Variants in SPAG16 observed in about 807,000 individuals in gnomAD.
The protein encoded by SPAG16 is sperm associated antigen 16, also known as sperm-associated antigen 16 protein.
Under a neutral mutation model 80.4 loss-of-function variants are expected in SPAG16, and 86 were observed. The ratio of observed to expected loss-of-function variants is 1.07; its 90% confidence interval spans 0.90 to 1.28. The LOEUF (loss-of-function observed/expected upper bound fraction) is 1.28. SPAG16 is among the 50% of genes most tolerant of loss of function. SPAG16 has a pLI of 0.00. For missense variants in SPAG16, 870 were observed against 765.3 expected, an observed-to-expected ratio of 1.14 and a Z score of -1.61; for synonymous variants, 294 against 265.9, an observed-to-expected ratio of 1.11 and a Z score of -1.03.
intron 10 of SPAG16, among the ~76,000 whole-genome samples, chr2:213,859,518 T>C (rs1394740564): frequency 1.3e-5 from 2 of 152,202 alleles, no homozygotes; most frequent in Admixed American, 6.5e-5. Flanking sequence ...TAATAATGAC[T>C]AAATGACTTA....
intron 12 of SPAG16, among the ~76,000 whole-genome samples, chr2:213,978,395 A>C (rs1165711547): frequency 2.6e-5 from 4 of 151,906 alleles, no homozygotes; most frequent in African/African-American, 9.7e-5. Context: ...CTTTCCCTTA[A>C]CTGTTCACAG....
chr2:213,597,483 T>C (rs900044792), intron 10 of SPAG16, among the ~76,000 whole-genome samples: 1 of 152,172 alleles, frequency 6.6e-6, no homozygotes, highest in African/African-American at 2.4e-5. Context: ...ATATAATGAA[T>C]CATATGTGCT....
At chr2:214,131,258 G>A (rs76416926) in intron 14 of SPAG16, among the ~76,000 whole-genome samples, 105 of 151,986 alleles carry the variant, frequency 6.9e-4, no homozygotes, top group African/African-American at 2.2e-3. Flanking sequence ...GGTCCTAGTT[G>A]CTTCGGGAAG....
Position 213,528,887 on chromosome 2 carries a change from T to A in SPAG16, c.1070+38797T>A, listed in dbSNP as rs150284317. ...TGTATGTTGCCTGCAGGCCATGGGTTGGACAAGCTTGATCTAAATGAAAGA... is the reference window on the plus strand; with the variant it reads ...TGTATGTTGCCTGCAGGCCATGGGTAGGACAAGCTTGATCTAAATGAAAGA... On this transcript the variant is annotated intron_variant, in intron 10 of 15. Coordinates refer to ENST00000331683, the MANE Select transcript of SPAG16 (RefSeq NM_024532.5). Among the ~76,000 whole-genome samples, 24 of 152,316 alleles carry A rather than the reference T, an allele frequency of 1.6e-4. No homozygotes were observed. In the East Asian group the frequency reaches 4.4e-3, roughly 28 times the overall value.
At chr2:213,795,350 T>C (rs997193778) in intron 10 of SPAG16, among the ~76,000 whole-genome samples, 2 of 152,198 alleles carry the variant, frequency 1.3e-5, no homozygotes, top group African/African-American at 4.8e-5. Context: ...AATTGACAAA[T>C]ACACAAAAAG....
chr2:214,295,408 C>G (rs1396028166), intron 15 of SPAG16, among the ~76,000 whole-genome samples: 1 of 151,648 alleles, frequency 6.6e-6, no homozygotes, highest in Non-Finnish European at 1.5e-5. Flanking sequence ...TTTTTTTAAT[C>G]TTACTCACAA....
intron 10 of SPAG16, among the ~76,000 whole-genome samples, chr2:213,620,787 G>A (rs1574522979): frequency 1.3e-5 from 2 of 152,076 alleles, no homozygotes; most frequent in African/African-American, 2.4e-5. Flanking sequence ...GAAAAGTAAT[G>A]TTTATGCTTT....
intron 15 of SPAG16, among the ~76,000 whole-genome samples, chr2:214,327,971 G>T (rs1006468241): frequency 6.6e-6 from 1 of 152,086 alleles, no homozygotes; most frequent in Admixed American, 6.5e-5. Flanking sequence ...TGAAACAAAT[G>T]ATCTGACAGT....
chr2:213,516,605 T>C (rs1461963643), intron 10 of SPAG16, among the ~76,000 whole-genome samples: 4 of 152,152 alleles, frequency 2.6e-5, no homozygotes, highest in Non-Finnish European at 5.9e-5. Context: ...TTTTAGGTGG[T>C]AGAATTCCAG....
At chr2:213,611,010 C>G (rs1254960513) in intron 10 of SPAG16, among the ~76,000 whole-genome samples, 3 of 152,144 alleles carry the variant, frequency 2.0e-5, no homozygotes, top group South Asian at 4.2e-4. Context: ...ACCTTTCTTC[C>G]AGGGAATGCA....
chr2:213,974,573 G>A (rs906096070), intron 12 of SPAG16, among the ~76,000 whole-genome samples: 5 of 151,838 alleles, frequency 3.3e-5, no homozygotes, highest in Non-Finnish European at 4.4e-5. Flanking sequence ...TTTAGAATCC[G>A]CAATACAAAT....
intron 10 of SPAG16, among the ~76,000 whole-genome samples, chr2:213,814,779 G>C (rs1252583581): frequency 1.6e-5 from 2 of 121,664 alleles, no homozygotes; most frequent in Non-Finnish European, 3.5e-5. Flanking sequence ...ACACAATGAG[G>C]CTCTGTCTCA....
At chr2:214,084,072 T>G (rs963888766) in intron 13 of SPAG16, among the ~76,000 whole-genome samples, 4 of 152,158 alleles carry the variant, frequency 2.6e-5, no homozygotes, top group South Asian at 2.1e-4. Flanking sequence ...TTATACTCTT[T>G]ATTTTCCCTT....
At chr2:214,084,938 G>C (rs2051622354) in intron 13 of SPAG16, among the ~76,000 whole-genome samples, 1 of 152,200 alleles carries the variant, frequency 6.6e-6, no homozygotes, top group Admixed American at 6.5e-5. Flanking sequence ...AAAGTATGTG[G>C]TAAGTGCTGT....
intron 15 of SPAG16, among the ~76,000 whole-genome samples, chr2:214,212,264 C>G (rs1397295038): frequency 6.6e-6 from 1 of 152,006 alleles, no homozygotes; most frequent in East Asian, 1.9e-4. Context: ...TGTCTTTTAT[C>G]TACCAGAACT....
intron 13 of SPAG16, among the ~76,000 whole-genome samples, chr2:214,023,243 G>A (rs2125014278): frequency 6.6e-6 from 1 of 151,816 alleles, no homozygotes; most frequent in East Asian, 1.9e-4. Flanking sequence ...TCTGAGAAAA[G>A]TCACACTGAT....
intron 14 of SPAG16, among the ~76,000 whole-genome samples, chr2:214,145,047 A>G (rs2055568901): frequency 6.6e-6 from 1 of 152,138 alleles, no homozygotes; most frequent in Non-Finnish European, 1.5e-5. Context: ...TTTGTTTTAA[A>G]AAATTATACA....
intron 10 of SPAG16, among the ~76,000 whole-genome samples, chr2:213,576,845 TG>T (rs1364166245): frequency 2.6e-5 from 4 of 151,598 alleles, no homozygotes; most frequent in Non-Finnish European, 4.4e-5. Context: ...TTTTGGAGGG[TG>T]GAGGGTGGGA....
intron 10 of SPAG16, among the ~76,000 whole-genome samples, chr2:213,858,510 T>G (rs1280713791): frequency 6.6e-6 from 1 of 152,210 alleles, no homozygotes; most frequent in African/African-American, 2.4e-5. Flanking sequence ...TACTATAGTA[T>G]AGGGTAAACA....
Sources: gnomAD v4.1 joint callset for allele counts (sites outside exome capture counted in the v4.1 genomes callset) on GRCh38, gnomAD v4.1.1 for gene constraint, MANE v1.5 for transcripts, NCBI Gene and HGNC (gene_info 2026-07-23, HGNC 2026-07-21) for gene names.